Variants in XKR6 observed in about 807,000 individuals in gnomAD.
XKR6 encodes XK-related protein 6.
In XKR6, 22 loss-of-function variants were observed where a neutral mutation model predicts 56.7. That is an observed-to-expected ratio of 0.39 (90% CI 0.28 to 0.55). The LOEUF (loss-of-function observed/expected upper bound fraction) is 0.55. Among genes scored for constraint, XKR6 ranks in the 20% least tolerant of loss-of-function variants. XKR6 has a pLI of 0.66. For synonymous variants in XKR6, 524 were observed against 387.8 expected, an observed-to-expected ratio of 1.35 and a Z score of -4.13; for missense variants, 852 against 889.0, an observed-to-expected ratio of 0.96 and a Z score of 0.53.
At chr8:11,032,699 TG>T (rs1031796129) in intron 1 of XKR6, among the ~76,000 whole-genome samples, 4 of 152,146 alleles carry the variant, frequency 2.6e-5, no homozygotes, top group African/African-American at 9.7e-5. Context: ...GCTCAGGAGC[TG>T]GGGCCATTGC....
rs967990892 is a variant in XKR6 at position 11,061,193 on chromosome 8, G to A, written c.765-136363C>T. Reference sequence around the variant, plus strand: ...CAAAATTCTGAATCGGCTGGGTGTGGTGGCTCACACCTGTAATCTTGGCAC... The same window carrying A: ...CAAAATTCTGAATCGGCTGGGTGTGATGGCTCACACCTGTAATCTTGGCAC... On this transcript the variant is annotated intron_variant, in intron 1 of 2. Coordinates refer to ENST00000416569, the MANE Select transcript of XKR6 (RefSeq NM_173683.4). 6.6e-5 allele frequency among the ~76,000 whole-genome samples: 10 copies of A among 152,332 alleles called. No homozygotes were observed. In the East Asian group the frequency reaches 1.3e-3, roughly 21 times the overall value.
chr8:11,149,475 ATACTT>A (rs1801159106), intron 1 of XKR6, among the ~76,000 whole-genome samples: 1 of 152,228 alleles, frequency 6.6e-6, no homozygotes, highest in South Asian at 2.1e-4. Context: ...ATCAGATTTG[ATACTT>A]TACATGTTGT....
Position 11,120,594 on chromosome 8 carries a change from G to A in XKR6, c.764+79982C>T, listed in dbSNP as rs1224624475. 2.0e-5 allele frequency among the ~76,000 whole-genome samples: 3 copies of A among 152,054 alleles called. No homozygotes were observed. The East Asian group carries it at 5.8e-4, about 29-fold the overall frequency. ...CATGGGTAGGAAGAATCAATATCGT[G>A]AAAATGGCCATACTGCCCAAGGTAA... On this transcript the variant is annotated intron_variant, in intron 1 of 2. Transcript: ENST00000416569.
At chr8:11,091,783 C>G (rs1359467657) in intron 1 of XKR6, among the ~76,000 whole-genome samples, 1 of 152,202 alleles carries the variant, frequency 6.6e-6, no homozygotes, top group Non-Finnish European at 1.5e-5. Context: ...AAGCCCAGCT[C>G]TGGTGGCCCC....
At chr8:11,181,399 A>C (rs1405865453) in intron 1 of XKR6, among the ~76,000 whole-genome samples, 2 of 152,218 alleles carry the variant, frequency 1.3e-5, no homozygotes, top group East Asian at 3.8e-4. Flanking sequence ...TTATTCTTGA[A>C]TATGGATCGC....
chr8:11,098,321 T>A (rs1465297548), intron 1 of XKR6, among the ~76,000 whole-genome samples: 1 of 152,020 alleles, frequency 6.6e-6, no homozygotes, highest in Non-Finnish European at 1.5e-5. Flanking sequence ...AGGACTGAGC[T>A]GGAGGCCTGT....
chr8:11,125,952 C>G (rs975763473), intron 1 of XKR6: 4 of 152,260 alleles, frequency 2.6e-5, no homozygotes, highest in African/African-American at 7.2e-5. Context: ...CCTAGTAACT[C>G]ACAACAAACT....
chr8:11,124,860 G>A (rs1799682286), intron 1 of XKR6: 1 of 151,724 alleles, frequency 6.6e-6, no homozygotes, highest in South Asian at 2.1e-4. Flanking sequence ...TGAGGCAGGT[G>A]AATCATGAGC....
intron 2 of XKR6, among the ~76,000 whole-genome samples, chr8:10,902,132 G>C (rs1397067448): frequency 2.6e-5 from 4 of 152,124 alleles, no homozygotes; most frequent in Admixed American, 2.6e-4. Context: ...CTAGAATTTC[G>C]CCCAAGGGTA....
intron 1 of XKR6, among the ~76,000 whole-genome samples, chr8:11,160,129 C>G (rs1343950986): frequency 6.6e-6 from 1 of 152,086 alleles, no homozygotes; most frequent in Admixed American, 6.6e-5. Context: ...AACTGACACA[C>G]CATGCATTTA....
intron 1 of XKR6, among the ~76,000 whole-genome samples, chr8:11,148,685 G>A (rs1332237826): frequency 4.6e-5 from 7 of 152,098 alleles, no homozygotes; most frequent in Admixed American, 6.5e-5. Context: ...GGTATTTATC[G>A]AGGAGAAATA....
intron 2 of XKR6, among the ~76,000 whole-genome samples, chr8:10,916,674 G>A (rs1282199299): frequency 1.3e-5 from 2 of 152,214 alleles, no homozygotes; most frequent in African/African-American, 4.8e-5. Context: ...GAGCAGTGGA[G>A]CTGATGCTTC....
intron 1 of XKR6, among the ~76,000 whole-genome samples, chr8:11,021,450 A>T (rs1469575762): frequency 1.3e-5 from 2 of 152,236 alleles, no homozygotes; most frequent in East Asian, 3.8e-4. Context: ...TGCCTTGTTT[A>T]AGCAATGGTT....
At chr8:11,134,930 T>C (rs1800304772) in intron 1 of XKR6, among the ~76,000 whole-genome samples, 1 of 152,110 alleles carries the variant, frequency 6.6e-6, no homozygotes. Flanking sequence ...TACAGAAAGA[T>C]ATTTCCATTA....
intron 1 of XKR6, among the ~76,000 whole-genome samples, chr8:10,949,013 G>C (rs1369661905): frequency 6.6e-6 from 1 of 152,200 alleles, no homozygotes; most frequent in Non-Finnish European, 1.5e-5. Context: ...CCAGGGCAGG[G>C]CAGCAAAGGC....
chr8:11,023,684 C>T (rs1798795746), intron 1 of XKR6, among the ~76,000 whole-genome samples: 1 of 152,200 alleles, frequency 6.6e-6, no homozygotes, highest in Non-Finnish European at 1.5e-5. Flanking sequence ...AGGAACCCCA[C>T]AGCGAGGGAC....
intron 1 of XKR6, among the ~76,000 whole-genome samples, chr8:11,188,943 T>C (rs976978456): frequency 2.0e-5 from 3 of 152,196 alleles, no homozygotes; most frequent in Admixed American, 1.3e-4. Context: ...TGTGCACAGA[T>C]GCAGGGATGC....
intron 1 of XKR6, among the ~76,000 whole-genome samples, chr8:10,972,244 T>C (rs1196855837): frequency 6.6e-6 from 1 of 152,184 alleles, no homozygotes; most frequent in African/African-American, 2.4e-5. Context: ...CAGAGCTCTC[T>C]AGGAAAAAAA....
intron 1 of XKR6, among the ~76,000 whole-genome samples, chr8:10,962,783 A>G (rs561331591): frequency 1.6e-4 from 25 of 151,740 alleles, no homozygotes; most frequent in Non-Finnish European, 3.5e-4. Context: ...CCGCCACCAC[A>G]CCTGGCTAAT....
Sources: allele counts gnomAD v4.1 joint callset (sites outside exome capture counted in the v4.1 genomes callset), GRCh38; gene constraint gnomAD v4.1.1; transcripts MANE v1.5; gene names NCBI Gene and HGNC (gene_info 2026-07-23, HGNC 2026-07-21).